Variants in CCDC93 observed in about 807,000 individuals in gnomAD.
The protein encoded by CCDC93 is coiled-coil domain-containing protein 93.
In CCDC93, 61 loss-of-function variants were observed where a neutral mutation model predicts 108.2. That is an observed-to-expected ratio of 0.56 (90% CI 0.46 to 0.70). CCDC93 has a LOEUF of 0.70. Ranked by LOEUF, CCDC93 falls within the 30% of genes least tolerant of loss-of-function variation. The pLI, the probability that CCDC93 is intolerant of heterozygous loss-of-function variation, is 0.00. For missense variants in CCDC93, 685 were observed against 764.2 expected (o/e 0.90, Z 1.22); for synonymous variants, 276 against 260.4 (o/e 1.06, Z -0.58).
intron 12 of CCDC93, among the ~76,000 whole-genome samples, chr2:117,954,983 C>T: frequency 6.6e-6 from 1 of 152,136 alleles, no homozygotes; most frequent in East Asian, 1.9e-4. Flanking sequence ...GGCCTCCCTA[C>T]CCATGCAAAA....
intron 3 of CCDC93, among the ~76,000 whole-genome samples, chr2:118,003,725 A>T (rs924912542): frequency 6.6e-6 from 1 of 152,096 alleles, no homozygotes; most frequent in Non-Finnish European, 1.5e-5. Flanking sequence ...ATCACGGGTC[A>T]TCCTAGGATT....
At chr2:117,972,491 AAG>A (rs372307048) in intron 11 of CCDC93, among the ~76,000 whole-genome samples, 1 of 152,158 alleles carries the variant, frequency 6.6e-6, no homozygotes, top group Non-Finnish European at 1.5e-5. Flanking sequence ...AAAGTGTGGA[AAG>A]AGAGATGCAC....
intron 23 of CCDC93, among the ~76,000 whole-genome samples, chr2:117,927,721 G>C (rs1558767441): frequency 6.6e-6 from 1 of 152,148 alleles, no homozygotes; most frequent in Non-Finnish European, 1.5e-5. Flanking sequence ...TCCCCATCAA[G>C]CTACCAATGA....
chr2:117,996,180 G>A (rs1390959853), intron 5 of CCDC93, 84 bp downstream of exon 5: 3 of 871,226 alleles, frequency 3.4e-6, no homozygotes, highest in Non-Finnish European at 5.6e-6. Context: ...GGGAGCCTGA[G>A]CTTACTCTGC....
At position 117,916,134 on chromosome 2, in the gene CCDC93, G is replaced by A. The variant is rs1481144843; in HGVS notation, c.*4209C>T. On this transcript the variant is annotated 3_prime_UTR_variant, in exon 24 of 24. Coordinates refer to ENST00000376300, the MANE Select transcript of CCDC93 (RefSeq NM_019044.5). ...ACCGTCCAGCTGTCCCCCATGGAGT[G>A]CCTACATGTCACACTCCTGCCACCA... 1 of 152,074 alleles carries A rather than the reference G, an allele frequency of 6.6e-6. No homozygotes were observed. The highest frequency in any genetic ancestry group is 2.1e-4 in the South Asian group (1 of 4,820). 9.4% of individuals were successfully genotyped at this position (152,074 alleles called of 1,614,324 possible). A position where few individuals can be genotyped will look rare whatever the true frequency, so the allele number is the denominator to read the frequency against.
intron 23 of CCDC93, among the ~76,000 whole-genome samples, chr2:117,929,616 C>T (rs1418870170): frequency 2.0e-5 from 3 of 152,238 alleles, no homozygotes; most frequent in African/African-American, 7.2e-5. Context: ...CTCCAAGCAG[C>T]ATTTGAGATG....
intron 8 of CCDC93, among the ~76,000 whole-genome samples, chr2:117,976,477 G>A (rs1308873831): frequency 6.6e-6 from 1 of 152,058 alleles, no homozygotes; most frequent in Non-Finnish European, 1.5e-5. Flanking sequence ...AAAAAATAAT[G>A]AGAAAACTAA....
At chr2:117,923,687 T>C (rs530036141) in intron 23 of CCDC93, among the ~76,000 whole-genome samples, 1 of 100,838 alleles carries the variant, frequency 9.9e-6, no homozygotes, top group South Asian at 4.2e-4. Flanking sequence ...CCTGCCTCTA[T>C]AGAGTCCACC....
At chr2:118,006,522 T>C (rs1676873968) in intron 3 of CCDC93, among the ~76,000 whole-genome samples, 200 bp downstream of exon 3, 2 of 152,242 alleles carry the variant, frequency 1.3e-5, no homozygotes, top group African/African-American at 4.8e-5. Context: ...ATAAACTAAG[T>C]AGTCACTACA....
At chr2:117,949,249 C>T in intron 14 of CCDC93, 73 bp downstream of exon 14, 1 of 1,044,282 alleles carries the variant, frequency 9.6e-7, no homozygotes. Flanking sequence ...TGTGTTTAAA[C>T]AAATTAAGCC....
At chr2:117,959,332 T>C (rs1410666717) in intron 11 of CCDC93, among the ~76,000 whole-genome samples, 4 of 152,250 alleles carry the variant, frequency 2.6e-5, no homozygotes, top group Admixed American at 6.5e-5. Flanking sequence ...TGGATGATTA[T>C]AGTTTTATTA....
intron 23 of CCDC93, among the ~76,000 whole-genome samples, chr2:117,923,655 G>A (rs1446411506): frequency 1.5e-5 from 2 of 132,322 alleles, no homozygotes; most frequent in South Asian, 4.8e-4. Flanking sequence ...AGCACAAGGA[G>A]GCCTGCCTGC....
chr2:117,936,044 A>C (rs1012420844), intron 21 of CCDC93, among the ~76,000 whole-genome samples: 2 of 151,966 alleles, frequency 1.3e-5, no homozygotes, highest in Non-Finnish European at 2.9e-5. Flanking sequence ...TTAAGAAAAG[A>C]AGCTTAAAAT....
rs769855202 is a variant in CCDC93, at chr2:117,958,455, A to C, written c.915T>G (p.Ser305Arg). The C allele has an allele frequency of 2.6e-5, 42 of 1,612,022 alleles. No individual in the cohort carries two copies. The Admixed American group carries it at 3.7e-4, about 14-fold the overall frequency. The change falls in exon 12 of 24, where the codon AGT becomes AGG. Residue 305 changes from serine (S) to arginine (R), a missense_variant. Coordinates refer to ENST00000376300, the MANE Select transcript of CCDC93 (RefSeq NM_019044.5). ...GCTGGGAGGTTCCTAATTTTTCTGG[A>C]CTTTCTTCAGCTGATAGCTCAGACT... ...EKQSELSAEE[S>R]PEKLGTSQLH...
chr2:117,996,256 A>G lies in CCDC93; in HGVS notation c.462+8T>C, dbSNP rs1205761021. ...AGTGGGACAAGAAAATAAAATCACA[A>G]TACTGACCTCAGGGAGACTGTAAGT... On this transcript the variant is annotated splice_region_variant and intron_variant, in intron 5 of 23. Transcript: ENST00000376300. 6.4e-7 allele frequency: 1 copy of G among 1,571,420 alleles called. No homozygotes were observed. The highest frequency in any genetic ancestry group is 8.8e-7 in the Non-Finnish European group (1 of 1,141,464).
intron 11 of CCDC93, among the ~76,000 whole-genome samples, chr2:117,967,311 G>A (rs11680218): frequency 0.97 from 147,665 of 152,324 alleles, 71,760 homozygotes; most frequent in Middle Eastern, 1. Context: ...CCCTTTAAAG[G>A]ACTGCATGAG....
At chr2:117,962,471 C>T (rs1378018849) in intron 11 of CCDC93, among the ~76,000 whole-genome samples, 1 of 8,406 alleles carries the variant, frequency 1.2e-4, no homozygotes. Flanking sequence ...TGGTGAAACC[C>T]TACTCTACTA....
intron 23 of CCDC93, 187 bp downstream of exon 23, chr2:117,930,850 T>C: frequency 2.0e-6 from 1 of 511,516 alleles, no homozygotes; most frequent in Non-Finnish European, 3.5e-6. Context: ...GACCTCAAGA[T>C]GGGCCACAGA....
Position 118,000,872 on chromosome 2 carries a change from C to T in CCDC93, c.312G>A (p.Glu104=), listed in dbSNP as rs1033599760. Residue 104 remains glutamate, a synonymous_variant, in exon 4 of 24, where the codon GAG becomes GAA. Transcript: ENST00000376300. ...AATCCATCCCCTGGATCTGGTGGGGCTCCAGCTGGTGTGGGCATTTCATCC... is the reference window on the plus strand; with the variant it reads ...AATCCATCCCCTGGATCTGGTGGGGTTCCAGCTGGTGTGGGCATTTCATCC... ...LPRMKCPHQL[E]PHQIQGMDFI... The T allele has an allele frequency of 1.2e-6, 2 of 1,613,820 alleles. No individual in the cohort carries two copies. Among genetic ancestry groups the T allele is most frequent in the Admixed American group, 1.7e-5 (1 of 60,000 alleles).
Sources: allele counts gnomAD v4.1 joint callset (sites outside exome capture counted in the v4.1 genomes callset), GRCh38; gene constraint gnomAD v4.1.1; transcripts MANE v1.5; gene names NCBI Gene and HGNC (gene_info 2026-07-23, HGNC 2026-07-21).